GPR153: variants seen among roughly 807,000 people sequenced by gnomAD.
GPR153 encodes probable G protein-coupled receptor 153.
Under a neutral mutation model 34.1 loss-of-function variants are expected in GPR153, and 27 were observed. That is an observed-to-expected ratio of 0.79 (90% CI 0.58 to 1.09). GPR153 has a LOEUF of 1.09. Among genes scored for constraint, GPR153 ranks in the 50% least tolerant of loss-of-function variants. GPR153 has a pLI of 0.00. For missense variants in GPR153, 848 were observed against 860.2 expected, an observed-to-expected ratio of 0.99 and a Z score of 0.18; for synonymous variants, 408 against 405.4, an observed-to-expected ratio of 1.01 and a Z score of -0.08.
Position 6,249,870 on chromosome 1 carries a change from G to T in GPR153, c.1298C>A (p.Pro433His). The T allele has an allele frequency of 7.8e-7, 1 of 1,281,036 alleles. No individual in the cohort carries two copies. The highest frequency in any genetic ancestry group is 9.9e-7 in the Non-Finnish European group (1 of 1,010,474). The allele number at this position is 1,281,036 out of a possible 1,614,324, so 79.4% of individuals were successfully genotyped here. ...ALAHLVLPAGPERRRASLLAF... is the reference protein window; with the variant it reads ...ALAHLVLPAGHERRRASLLAF... ...CAGGAGGCTGGCGCGGCGCCGCTCG[G>T]GCCCGGCAGGCAGCACCAGGTGCGC... Residue 433 changes from proline (P) to histidine (H), a missense_variant, in exon 6 of 6, where the codon CCC becomes CAC. Transcript: ENST00000377893. This position sits in a 1 kb window ranked among gnomAD's most constrained non-coding sequence, Gnocchi z 4.3.
In GPR153 at chr1:6,251,704, C is replaced by T. The variant is rs1638453464; in HGVS notation, c.787-174G>A. 1 of 290,246 alleles carries T rather than the reference C, an allele frequency of 3.4e-6. No individual in the cohort carries two copies. The highest frequency in any genetic ancestry group is 5.1e-6 in the Non-Finnish European group (1 of 194,654). 18.0% of individuals were successfully genotyped at this position (290,246 alleles called of 1,614,324 possible). A position where few individuals can be genotyped will look rare whatever the true frequency, so the allele number is the denominator to read the frequency against. On this transcript the variant is annotated intron_variant, in intron 3 of 5. Transcript: ENST00000377893. The surrounding 1 kb of genome is among the most constrained non-coding windows in gnomAD (Gnocchi z 4.9). ...GCGTGGCAGTGGGAGGCCCCGCCTT[C>T]CGGGAGCTACCTGGCTACTGGGCAG...
Position 6,251,316 on chromosome 1 carries a change from G to A in GPR153, c.979+22C>T. 6.4e-7 allele frequency: 1 copy of A among 1,573,584 alleles called. No individual in the cohort carries two copies. Among genetic ancestry groups the A allele is most frequent in the South Asian group, 1.2e-5 (1 of 85,874 alleles). On this transcript the variant is annotated intron_variant, in intron 4 of 5. Transcript: ENST00000377893. This position sits in a 1 kb window ranked among gnomAD's most constrained non-coding sequence, Gnocchi z 4.9. ...TAACCTAGACGCCACTCTCCCTGGG[G>A]CCACTCTCAGGCCATCCTCACCATC... is the stretch of plus-strand genomic sequence containing the variant.
chr1:6,258,363 A>G (rs1410194755), intron 1 of GPR153, among the ~76,000 whole-genome samples: 1 of 152,214 alleles, frequency 6.6e-6, no homozygotes, highest in Non-Finnish European at 1.5e-5. Context: ...TCCTGACCTC[A>G]GGTGATCCAC....
rs1396640867 is a variant in GPR153, at chr1:6,248,676, T to C, written c.*662A>G. The C allele has an allele frequency of 6.6e-6, 1 of 152,168 alleles. No individual in the cohort carries two copies. The highest frequency in any genetic ancestry group is 2.4e-5 in the African/African-American group (1 of 41,384). The allele number at this position is 152,168 out of a possible 1,614,324, so 9.4% of individuals were successfully genotyped here. A position where few individuals can be genotyped will look rare whatever the true frequency, so the allele number is the denominator to read the frequency against. On this transcript the variant is annotated 3_prime_UTR_variant, in exon 6 of 6. Coordinates refer to ENST00000377893, the MANE Select transcript of GPR153 (RefSeq NM_207370.4). Reference sequence around the variant, plus strand: ...AGGCCGCAGAGGGCTCTAGACTACCTCTCACACCTGGGCCACTCAGTGGCG... The same window carrying C: ...AGGCCGCAGAGGGCTCTAGACTACCCCTCACACCTGGGCCACTCAGTGGCG...
Position 6,251,584 on chromosome 1 carries a change from G to A in GPR153, c.787-54C>T. ...TGCAGGACCCCCCACCATCACACAA[G>A]CTCCCCCTGAGTCTCGGTCTCCCCA... On this transcript the variant is annotated intron_variant, in intron 3 of 5. Coordinates refer to ENST00000377893, the MANE Select transcript of GPR153 (RefSeq NM_207370.4). This position sits in a 1 kb window ranked among gnomAD's most constrained non-coding sequence, Gnocchi z 4.9. 6.7e-7 allele frequency: 1 copy of A among 1,493,758 alleles called. No homozygotes were observed. The highest frequency in any genetic ancestry group is 2.4e-4 in the Middle Eastern group (1 of 4,202). 92.5% of individuals were successfully genotyped at this position (1,493,758 alleles called of 1,614,324 possible). A position where few individuals can be genotyped will look rare whatever the true frequency, so the allele number is the denominator to read the frequency against.
intron 1 of GPR153, among the ~76,000 whole-genome samples, chr1:6,259,151 C>T (rs910007191): frequency 6.6e-6 from 1 of 152,198 alleles, no homozygotes; most frequent in Non-Finnish European, 1.5e-5. Context: ...GTCCCAGCTA[C>T]TTGGAAGGCT....
intron 1 of GPR153, among the ~76,000 whole-genome samples, chr1:6,256,651 T>C (rs1014363486): frequency 6.6e-6 from 1 of 152,166 alleles, no homozygotes. Context: ...ATTACAGGCA[T>C]GAGCCGCCGT....
chr1:6,249,449 C>A lies in GPR153; in HGVS notation c.1719G>T (p.Gly573=). Reference sequence around the variant, plus strand: ...CGCCGCCGCCCGCCGCGCGCAGCCCCCCGGGCTCGCCCCACGACGCGCTCA... The same window carrying A: ...CGCCGCCGCCCGCCGCGCGCAGCCCACCGGGCTCGCCCCACGACGCGCTCA... ...PGLSASWGEP[G]GLRAAGGGGS... The change falls in exon 6 of 6, where the codon GGG becomes GGT. Residue 573 remains glycine (G), a synonymous_variant. Transcript: ENST00000377893. The surrounding 1 kb of genome is among the most constrained non-coding windows in gnomAD (Gnocchi z 4.3). The A allele has an allele frequency of 7.4e-7, 1 of 1,350,640 alleles. No individual in the cohort carries two copies. 83.7% of individuals were successfully genotyped at this position (1,350,640 alleles called of 1,614,324 possible).
At chr1:6,254,265 T>G in intron 2 of GPR153, 118 bp from the exon 3 acceptor site, 8 of 929,476 alleles carry the variant, frequency 8.6e-6, no homozygotes, top group Non-Finnish European at 1.3e-5. Flanking sequence ...CAGTATATCA[T>G]AGTCATGGCA....
At chr1:6,260,603 G>A (rs1339426173) in intron 1 of GPR153, among the ~76,000 whole-genome samples, 4 of 151,726 alleles carry the variant, frequency 2.6e-5, no homozygotes, top group African/African-American at 9.7e-5. Context: ...AGGGGGCGGC[G>A]CTGCTAGGCC....
At chr1:6,250,215 G>C (rs1638410864) in intron 5 of GPR153, 1 of 985,432 alleles carries the variant, frequency 1.0e-6, no homozygotes, top group Non-Finnish European at 1.2e-6. Context: ...GCTCGTTGAG[G>C]ATACTGAGCC....
In GPR153 at chr1:6,254,981, C is replaced by G; in HGVS notation, c.-76G>C. The G allele has an allele frequency of 1.7e-6, 2 of 1,186,778 alleles. No homozygotes were observed. Among genetic ancestry groups the G allele is most frequent in the Non-Finnish European group, 2.3e-6 (2 of 868,378 alleles). The allele number at this position is 1,186,778 out of a possible 1,614,324, so 73.5% of individuals were successfully genotyped here. On this transcript the variant is annotated 5_prime_UTR_variant, in exon 2 of 6. Coordinates refer to ENST00000377893, the MANE Select transcript of GPR153 (RefSeq NM_207370.4). Reference sequence around the variant, plus strand: ...TCTCAGGGAGCAGCAGCCCTCACTCCTGGTGGCTCAAGGATGCTGGGGACC... The same window carrying G: ...TCTCAGGGAGCAGCAGCCCTCACTCGTGGTGGCTCAAGGATGCTGGGGACC...
intron 1 of GPR153, among the ~76,000 whole-genome samples, chr1:6,256,606 G>C (rs943579729): frequency 6.6e-6 from 1 of 152,106 alleles, no homozygotes. Flanking sequence ...CTGACCTCAA[G>C]TGACCTGCCC....
intron 3 of GPR153, 144 bp downstream of exon 3, chr1:6,253,574 G>A (rs1256853155): frequency 1.5e-5 from 12 of 779,658 alleles, no homozygotes; most frequent in South Asian, 2.3e-5. Flanking sequence ...TCTGAACCTC[G>A]GTTTCCAAAT....
chr1:6,249,611 G>A lies in GPR153; in HGVS notation c.1557C>T (p.Pro519=), dbSNP rs1405361106. The A allele has an allele frequency of 8.9e-7, 1 of 1,128,518 alleles. No individual in the cohort carries two copies. Among genetic ancestry groups the A allele is most frequent in the East Asian group, 4.7e-5 (1 of 21,174 alleles). 69.9% of individuals were successfully genotyped at this position (1,128,518 alleles called of 1,614,324 possible). Residue 519 remains proline (P), a synonymous_variant, in exon 6 of 6, where the codon CCC becomes CCT. Coordinates refer to ENST00000377893, the MANE Select transcript of GPR153 (RefSeq NM_207370.4). This position sits in a 1 kb window ranked among gnomAD's most constrained non-coding sequence, Gnocchi z 4.3. The part of the protein sequence containing the change: ...ECEPQALRRP[P]GPFPAAPAAP... Reference sequence around the variant, plus strand: ...CGGCGGGCGCAGCGGGGAAGGGCCCGGGCGGGCGGCGCAGGGCCTGTGGCT... The same window carrying A: ...CGGCGGGCGCAGCGGGGAAGGGCCCAGGCGGGCGGCGCAGGGCCTGTGGCT...
intron 3 of GPR153, among the ~76,000 whole-genome samples, chr1:6,252,864 A>T (rs1040225843): frequency 6.6e-6 from 1 of 151,948 alleles, no homozygotes; most frequent in African/African-American, 2.4e-5. Context: ...GCCCCTCTGG[A>T]CCTCAGACCT....
In GPR153 at chr1:6,249,917, G is replaced by T; in HGVS notation, c.1251C>A (p.Ser417=). ...PLPAFLPRWG[S]GEDLAALAHL... Reference sequence around the variant, plus strand: ...GCGCCAGGGCGGCCAGGTCCTCGCCGGAGCCCCAGCGCGGCAGGAAGGCGG... The same window carrying T: ...GCGCCAGGGCGGCCAGGTCCTCGCCTGAGCCCCAGCGCGGCAGGAAGGCGG... Residue 417 remains serine, a synonymous_variant, in exon 6 of 6, where the codon TCC becomes TCA. Transcript: ENST00000377893. The surrounding 1 kb of genome is among the most constrained non-coding windows in gnomAD (Gnocchi z 4.3). 7.8e-7 allele frequency: 1 copy of T among 1,285,898 alleles called. No homozygotes were observed. 79.7% of individuals were successfully genotyped at this position (1,285,898 alleles called of 1,614,324 possible).
chr1:6,260,314 G>C (rs1638642293), intron 1 of GPR153, among the ~76,000 whole-genome samples: 1 of 150,622 alleles, frequency 6.6e-6, no homozygotes, highest in Non-Finnish European at 1.5e-5. Context: ...GCGAGGCCTG[G>C]ACATCTCCGG....
chr1:6,256,758 T>C (rs1185647864), intron 1 of GPR153, among the ~76,000 whole-genome samples: 3 of 152,158 alleles, frequency 2.0e-5, no homozygotes, highest in Middle Eastern at 3.2e-3. Context: ...CATCTAAACC[T>C]CCTGAGTAGC....
Sources: gnomAD v4.1 joint callset for allele counts (sites outside exome capture counted in the v4.1 genomes callset) on GRCh38, gnomAD v4.1.1 for gene constraint, Gnocchi (gnomAD v3.1) non-coding constraint, MANE v1.5 for transcripts, NCBI Gene and HGNC (gene_info 2026-07-23, HGNC 2026-07-21) for gene names.